Variants in NECAP2 observed in about 807,000 individuals in gnomAD.
NECAP2 encodes NECAP endocytosis associated 2, also known as adaptin ear-binding coat-associated protein 2.
Under a neutral mutation model 37.8 loss-of-function variants are expected in NECAP2, and 38 were observed. That is an observed-to-expected ratio of 1.01 (90% CI 0.78 to 1.32). NECAP2 has a LOEUF of 1.32. Ranked by LOEUF, NECAP2 falls within the 40% of genes most tolerant of loss-of-function variation. NECAP2 has a pLI of 0.00. For synonymous variants in NECAP2, 121 were observed against 127.7 expected (o/e 0.95, Z 0.35); for missense variants, 316 against 334.5 (o/e 0.94, Z 0.43).
rs368703916 is a variant in NECAP2 at position 16,451,936 on chromosome 1, C to G, written c.588C>G (p.Thr196=). The change falls in exon 6 of 8, where the codon ACC becomes ACG. Residue 196 remains threonine (T), a synonymous_variant. Transcript: ENST00000337132. ...SLLPPPPGGK[T]STLIPPPGEQ... ...TTCCCCCTCCCCCAGGGGGGAAAAC[C>G]TCCACCCTGATCCCTCCCCCTGGGG... is the stretch of plus-strand genomic sequence containing the variant. 8.7e-6 allele frequency: 14 copies of G among 1,613,718 alleles called. No homozygotes were observed. The African/African-American group carries it at 1.7e-4, about 20-fold the overall frequency.
rs201377133 is a variant in NECAP2 at position 16,451,881 on chromosome 1, G to C, written c.533G>C (p.Arg178Pro). ...GGAGCAGCTGGGAATCCCCGAGTCCGGCCTGCCAGCACAGGAGGGCTGAGC... is the reference window on the plus strand; with the variant it reads ...GGAGCAGCTGGGAATCCCCGAGTCCCGCCTGCCAGCACAGGAGGGCTGAGC... The part of the protein sequence containing the change: ...KEGAAGNPRV[R>P]PASTGGLSLL... The change falls in exon 6 of 8, where the codon CGG becomes CCG. Residue 178 changes from arginine to proline, a missense_variant. Arg to Pro is a moderately radical substitution (Grantham distance 103). Around this residue, in one of 3 missense-constraint regions of NECAP2, gnomAD observed 204 missense variants for 188.6 expected, o/e 1.08. Transcript: ENST00000337132. The C allele has an allele frequency of 1.2e-6, 2 of 1,614,056 alleles. No homozygotes were observed. The highest frequency in any genetic ancestry group is 1.7e-6 in the Non-Finnish European group (2 of 1,179,986).
chr1:16,448,218 C>T (rs1570262105), intron 4 of NECAP2, 77 bp downstream of exon 4: 3 of 1,395,028 alleles, frequency 2.2e-6, no homozygotes, highest in South Asian at 2.3e-5. Flanking sequence ...GGTTAGGATA[C>T]CCAAGTGTTT....
intron 5 of NECAP2, 99 bp downstream of exon 5, chr1:16,449,300 C>T (rs774525391): frequency 1.3e-6 from 1 of 778,794 alleles, no homozygotes. Flanking sequence ...TTCAGTTCAG[C>T]AGATGTTTAG....
chr1:16,452,177 G>A (rs2086854794), intron 6 of NECAP2, among the ~76,000 whole-genome samples, 162 bp downstream of exon 6: 1 of 152,224 alleles, frequency 6.6e-6, no homozygotes, highest in Non-Finnish European at 1.5e-5. Context: ...TGCACACGCT[G>A]GGTAAGGGGC....
At chr1:16,456,245 G>C (rs2100970726) in intron 7 of NECAP2, among the ~76,000 whole-genome samples, 1 of 152,130 alleles carries the variant, frequency 6.6e-6, no homozygotes, top group African/African-American at 2.4e-5. Flanking sequence ...GGGTTGTCTT[G>C]AACTCCTGAC....
intron 7 of NECAP2, among the ~76,000 whole-genome samples, chr1:16,458,038 A>G (rs574450290): frequency 6.6e-6 from 1 of 152,242 alleles, no homozygotes; most frequent in East Asian, 1.9e-4. Flanking sequence ...TGATTACTGA[A>G]AAAGTCAAAT....
Position 16,448,157 on chromosome 1 carries a change from A to G in NECAP2, c.380+16A>G, listed in dbSNP as rs766622706. On this transcript the variant is annotated intron_variant, in intron 4 of 7. Coordinates refer to ENST00000337132, the MANE Select transcript of NECAP2 (RefSeq NM_018090.5). ...ACCATTTCAAGTGAGTGGGTCTGGG[A>G]GACACACGCTCATGCCCCTCCCTTC... 1 of 1,607,040 alleles carries G rather than the reference A, an allele frequency of 6.2e-7. No individual in the cohort carries two copies. The highest frequency in any genetic ancestry group is 8.5e-7 in the Non-Finnish European group (1 of 1,173,690).
chr1:16,451,755 ACC>A, intron 5 of NECAP2, 81 bp from the exon 6 acceptor site: 1 of 1,502,882 alleles, frequency 6.7e-7, no homozygotes, highest in South Asian at 1.2e-5. Flanking sequence ...GTCTGGGGTC[ACC>A]TTGGCCCTCC....
chr1:16,452,927 G>A (rs899935513), intron 6 of NECAP2, among the ~76,000 whole-genome samples: 3 of 152,216 alleles, frequency 2.0e-5, no homozygotes, highest in Admixed American at 1.3e-4. Flanking sequence ...AACATTGGCT[G>A]CCCTATCTGG....
intron 2 of NECAP2, among the ~76,000 whole-genome samples, chr1:16,447,176 A>C (rs893565506): frequency 6.6e-6 from 1 of 152,192 alleles, no homozygotes; most frequent in Non-Finnish European, 1.5e-5. Context: ...TCTAAAAAAC[A>C]AAACAAAAAA....
rs1254442620 is a variant in NECAP2, at chr1:16,451,835, T to C, written c.490-3T>C. The C allele has an allele frequency of 1.1e-5, 18 of 1,614,006 alleles. No individual in the cohort carries two copies. The highest frequency in any genetic ancestry group is 1.7e-5 in the Admixed American group (1 of 60,010). ...CTGATTTGCATTCCTCTTCCCTCTT[T>C]AGAACATGAAGAAGAAGGAAGGAGC... On this transcript the variant is annotated splice_polypyrimidine_tract_variant and splice_region_variant and intron_variant, in intron 5 of 7. Coordinates refer to ENST00000337132, the MANE Select transcript of NECAP2 (RefSeq NM_018090.5).
chr1:16,442,104 G>A (rs1175367464), intron 1 of NECAP2, among the ~76,000 whole-genome samples: 2 of 151,294 alleles, frequency 1.3e-5, no homozygotes, highest in Non-Finnish European at 2.9e-5. Flanking sequence ...TCAGCCTCCC[G>A]AGTAGCTGGG....
At chr1:16,452,810 T>A (rs2086865898) in intron 6 of NECAP2, among the ~76,000 whole-genome samples, 1 of 143,154 alleles carries the variant, frequency 7.0e-6, no homozygotes, top group African/African-American at 2.5e-5. Flanking sequence ...TTGATGCTCC[T>A]GGCCTTCCCC....
intron 2 of NECAP2, among the ~76,000 whole-genome samples, chr1:16,446,579 T>C (rs12130061): frequency 0.025 from 3,787 of 151,922 alleles, 86 homozygotes; most frequent in Non-Finnish European, 0.041. Context: ...TTTTTTTTTC[T>C]TGTCATGTTG....
chr1:16,457,310 G>T (rs1326180564), intron 7 of NECAP2, among the ~76,000 whole-genome samples: 1 of 152,104 alleles, frequency 6.6e-6, no homozygotes, highest in East Asian at 1.9e-4. Context: ...ACAAAAATTA[G>T]TTGGGCGTGG....
chr1:16,458,690 G>T, intron 7 of NECAP2, 152 bp from the exon 8 acceptor site: 1 of 677,928 alleles, frequency 1.5e-6, no homozygotes, highest in South Asian at 1.8e-5. Context: ...GGCCAGATTT[G>T]GTCTCTGTGC....
chr1:16,458,716 G>A, intron 7 of NECAP2, 126 bp from the exon 8 acceptor site: 1 of 930,028 alleles, frequency 1.1e-6, no homozygotes, highest in Non-Finnish European at 1.6e-6. Flanking sequence ...TTTGCTGACT[G>A]CTGCTCTAGA....
intron 7 of NECAP2, among the ~76,000 whole-genome samples, chr1:16,458,574 G>A (rs1043069647): frequency 3.3e-5 from 5 of 151,316 alleles, no homozygotes; most frequent in African/African-American, 1.2e-4. Flanking sequence ...CTGGGCGACA[G>A]TGAGACCCTG....
At position 16,451,971 on chromosome 1, in the gene NECAP2, C is replaced by T. The variant is rs2086850332; in HGVS notation, c.623C>T (p.Ala208Val). The part of the protein sequence containing the change: ...TLIPPPGEQL[A>V]VGGSLVQPAV... ...ATCCCTCCCCCTGGGGAGCAGTTGG[C>T]TGTGGGGGGATCCCTCGTCCAGCCA... Residue 208 changes from alanine to valine, a missense_variant, in exon 6 of 8, where the codon GCT (alanine) becomes GTT (valine). Transcript: ENST00000337132. 1 of 1,608,688 alleles carries T rather than the reference C, an allele frequency of 6.2e-7. No individual in the cohort carries two copies. The highest frequency in any genetic ancestry group is 1.3e-5 in the African/African-American group (1 of 74,868).
Sources: allele counts gnomAD v4.1 joint callset (sites outside exome capture counted in the v4.1 genomes callset), GRCh38; gene constraint gnomAD v4.1.1; regional missense constraint gnomAD v4.1.1; transcripts MANE v1.5; gene names NCBI Gene and HGNC (gene_info 2026-07-23, HGNC 2026-07-21).